CSE1L: variants seen among roughly 807,000 people sequenced by gnomAD.
CSE1L encodes the protein chromosome segregation 1 like, also known as exportin-2.
In CSE1L, 24 loss-of-function variants were observed where a neutral mutation model predicts 120.4. The observed-to-expected ratio is 0.20, with a 90% confidence interval of 0.14 to 0.28. The LOEUF (loss-of-function observed/expected upper bound fraction) is 0.28. CSE1L is among the 10% of genes least tolerant of loss of function. The pLI, the probability that CSE1L is intolerant of heterozygous loss-of-function variation, is 1.00. For missense variants in CSE1L, 830 were observed against 1,145.2 expected (o/e 0.72, Z 3.97); for synonymous variants, 402 against 398.3 (o/e 1.01, Z -0.11).
Position 49,068,807 on chromosome 20 carries a change from T to C in CSE1L, c.660T>C (p.Tyr220=), listed in dbSNP as rs759220579. 7 of 1,606,538 alleles carry C rather than the reference T, an allele frequency of 4.4e-6. No individual in the cohort carries two copies. The change falls in exon 7 of 25, where the codon TAT becomes TAC. Residue 220 remains tyrosine (Y), a synonymous_variant. Transcript: ENST00000262982. The part of the protein sequence containing the change: ...SSLILISKLF[Y]SLNFQDLPEF... Reference sequence around the variant, plus strand: ...TGATCCTGATCTCAAAATTGTTCTATAGTTTAAACTTTCAGGTAAGTTCAT... The same window carrying C: ...TGATCCTGATCTCAAAATTGTTCTACAGTTTAAACTTTCAGGTAAGTTCAT...
intron 21 of CSE1L, among the ~76,000 whole-genome samples, chr20:49,091,259 C>T (rs1039482332): frequency 1.3e-5 from 2 of 151,600 alleles, no homozygotes; most frequent in African/African-American, 2.4e-5. Flanking sequence ...CCTGTCCCTA[C>T]GAAAAGTACA....
chr20:49,059,824 G>A (rs1374695618), intron 2 of CSE1L, among the ~76,000 whole-genome samples: 1 of 151,900 alleles, frequency 6.6e-6, no homozygotes, highest in Non-Finnish European at 1.5e-5. Context: ...AGGTTGCAGT[G>A]AGTTGAGATT....
intron 18 of CSE1L, 63 bp downstream of exon 18, chr20:49,089,460 C>A (rs1038878935): frequency 1.9e-5 from 31 of 1,602,298 alleles, no homozygotes; most frequent in Non-Finnish European, 2.6e-5. Context: ...TAAAATGCAG[C>A]CCACCTAAGC....
At chr20:49,053,147 CTTTTTTTTTTTTT>C (rs71184250) in intron 1 of CSE1L, among the ~76,000 whole-genome samples, 1 of 122,710 alleles carries the variant, frequency 8.1e-6, no homozygotes, top group East Asian at 2.2e-4. Flanking sequence ...CCCTGTCTCT[CTTTTTTTTTTTTT>C]TTTTTTTTTT....
intron 19 of CSE1L, among the ~76,000 whole-genome samples, chr20:49,089,947 T>G (rs2092088226): frequency 6.6e-6 from 1 of 151,888 alleles, no homozygotes; most frequent in Non-Finnish European, 1.5e-5. Flanking sequence ...GTGAGATCTA[T>G]CTCTACAAAG....
chr20:49,095,702 T>C (rs2092134280), intron 24 of CSE1L, among the ~76,000 whole-genome samples: 1 of 152,204 alleles, frequency 6.6e-6, no homozygotes, highest in East Asian at 1.9e-4. Flanking sequence ...TCAGCACTTA[T>C]TATAGAGTTC....
intron 1 of CSE1L, among the ~76,000 whole-genome samples, chr20:49,055,558 A>C (rs1292233558): frequency 6.6e-6 from 1 of 152,090 alleles, no homozygotes; most frequent in Non-Finnish European, 1.5e-5. Context: ...CTCTACAAAA[A>C]ATACAAAAAT....
At chr20:49,091,678 C>A (rs538256030) in intron 21 of CSE1L, among the ~76,000 whole-genome samples, 1 of 152,130 alleles carries the variant, frequency 6.6e-6, no homozygotes, top group Admixed American at 6.5e-5. Flanking sequence ...GCTGTGATCA[C>A]GCTCCTGCAC....
At chr20:49,065,369 C>T (rs2091884366) in intron 3 of CSE1L, among the ~76,000 whole-genome samples, 1 of 102,006 alleles carries the variant, frequency 9.8e-6, no homozygotes, top group Admixed American at 1.5e-4. Flanking sequence ...GTTGCCCAGG[C>T]TGGAATGCAA....
At chr20:49,067,031 CAAAAAAAAAAAA>C (rs60161542) in intron 5 of CSE1L, among the ~76,000 whole-genome samples, 147 bp from the exon 6 acceptor site, 51 of 100,788 alleles carry the variant, frequency 5.1e-4, no homozygotes, top group South Asian at 1.6e-3. Context: ...GACTCCGTCT[CAAAAAAAAAAAA>C]AAAAAAAAAA....
chr20:49,075,340 T>A lies in CSE1L; in HGVS notation c.1155T>A (p.Ala385=). ...EGSDIDTRRR[A]ACDLVRGLCK... ...TAGATATTGATACTAGACGCAGGGC[T>A]GCTTGTGATCTGGTACGAGGATTAT... Residue 385 remains alanine, a synonymous_variant, in exon 12 of 25, where the codon GCT becomes GCA. Coordinates refer to ENST00000262982, the MANE Select transcript of CSE1L (RefSeq NM_001316.4). 1 of 1,614,028 alleles carries A rather than the reference T, an allele frequency of 6.2e-7. No individual in the cohort carries two copies.
chr20:49,061,425 G>A (rs1008062909), intron 2 of CSE1L, among the ~76,000 whole-genome samples: 21 of 151,644 alleles, frequency 1.4e-4, no homozygotes, highest in Non-Finnish European at 2.8e-4. Flanking sequence ...ACCCGCCTCA[G>A]CCTCCCAAAG....
chr20:49,060,406 C>G (rs1038814808), intron 2 of CSE1L, among the ~76,000 whole-genome samples: 1 of 151,262 alleles, frequency 6.6e-6, no homozygotes, highest in African/African-American at 2.4e-5. Flanking sequence ...TGCTTGAATC[C>G]AGGAAGCGGA....
chr20:49,062,688 T>G (rs2091861461), intron 2 of CSE1L, among the ~76,000 whole-genome samples: 1 of 152,064 alleles, frequency 6.6e-6, no homozygotes, highest in African/African-American at 2.4e-5. Flanking sequence ...TATCTACTTT[T>G]CTGGGTAATA....
intron 16 of CSE1L, among the ~76,000 whole-genome samples, chr20:49,085,658 C>T (rs2092050752): frequency 2.0e-5 from 3 of 146,648 alleles, no homozygotes; most frequent in Non-Finnish European, 3.0e-5. Context: ...TGCCACCTCT[C>T]CCTCCTGGGT....
chr20:49,051,259 T>C (rs748318526), intron 1 of CSE1L, among the ~76,000 whole-genome samples: 13 of 152,190 alleles, frequency 8.5e-5, no homozygotes, highest in Admixed American at 1.3e-4. Context: ...AAAAGAGTCC[T>C]TCCAGGCCGG....
chr20:49,074,648 T>A (rs2123715149), intron 10 of CSE1L, 137 bp from the exon 11 acceptor site: 2 of 570,660 alleles, frequency 3.5e-6, no homozygotes, highest in Non-Finnish European at 6.1e-6. Context: ...TGATTAAGAG[T>A]ATATGAAGTA....
chr20:49,066,425 C>G lies in CSE1L; in HGVS notation c.391C>G (p.Leu131Val). The change falls in exon 5 of 25, where the codon CTG becomes GTG. Residue 131 changes from leucine to valine, a missense_variant. Around this residue, in one of 4 missense-constraint regions of CSE1L, gnomAD observed 543 missense variants for 640.2 expected, o/e 0.85. Coordinates refer to ENST00000262982, the MANE Select transcript of CSE1L (RefSeq NM_001316.4). ...TTTTCCACAGAAATGGCCTGACTTGCTGACAGAAATGGTGAATCGCTTTCA... is the reference window on the plus strand; with the variant it reads ...TTTTCCACAGAAATGGCCTGACTTGGTGACAGAAATGGTGAATCGCTTTCA... ...EDFPQKWPDL[L>V]TEMVNRFQSG... 6.2e-7 allele frequency: 1 copy of G among 1,614,150 alleles called. No homozygotes were observed. Among genetic ancestry groups the G allele is most frequent in the Non-Finnish European group, 8.5e-7 (1 of 1,179,996 alleles).
Position 49,088,079 on chromosome 20 carries a change from T to G in CSE1L, c.1794T>G (p.Leu598=), listed in dbSNP as rs747308273. 4 of 1,612,210 alleles carry G rather than the reference T, an allele frequency of 2.5e-6. No homozygotes were observed. Among genetic ancestry groups the G allele is most frequent in the South Asian group, 2.2e-5 (2 of 90,752 alleles). ...ACATCCCTACTCTCATCACTCAGCT[T>G]ACACAGAAGCTATTAGCTGTTAGTA... ...IPYIPTLITQ[L]TQKLLAVSKN... The change falls in exon 17 of 25, where the codon CTT becomes CTG. Residue 598 remains leucine, a synonymous_variant. Transcript: ENST00000262982.
Sources: allele counts gnomAD v4.1 joint callset (sites outside exome capture counted in the v4.1 genomes callset), GRCh38; gene constraint gnomAD v4.1.1; regional missense constraint gnomAD v4.1.1; transcripts MANE v1.5; gene names NCBI Gene and HGNC (gene_info 2026-07-23, HGNC 2026-07-21).